Variants in XRN2 observed in about 807,000 individuals in gnomAD.
The protein encoded by XRN2 is 5'-3' exoribonuclease 2, also known as DHM1-like protein.
In XRN2, 44 loss-of-function variants were observed where a neutral mutation model predicts 138.5. The ratio of observed to expected loss-of-function variants is 0.32; its 90% confidence interval spans 0.25 to 0.41. The LOEUF is 0.41. XRN2 is among the 10% of genes least tolerant of loss of function. The probability of loss-of-function intolerance (pLI) is 1.00; values close to 1 mark genes in which losing one functional copy is unlikely to be tolerated. For synonymous variants in XRN2, 354 were observed against 369.4 expected, an observed-to-expected ratio of 0.96 and a Z score of 0.48; for missense variants, 937 against 1,169.3, an observed-to-expected ratio of 0.80 and a Z score of 2.90.
At chr20:21,379,411 T>G (rs1419815675) in intron 27 of XRN2, among the ~76,000 whole-genome samples, 1 of 152,218 alleles carries the variant, frequency 6.6e-6, no homozygotes, top group Admixed American at 6.5e-5. Context: ...ATGAAGAAAT[T>G]TGGTTAAAAA....
chr20:21,344,354 A>C, intron 16 of XRN2, 146 bp downstream of exon 16: 1 of 645,430 alleles, frequency 1.5e-6, no homozygotes, highest in Non-Finnish European at 2.8e-6. Context: ...GAGGGTTAGA[A>C]TAGTCAGTAA....
chr20:21,320,947 A>G (rs911844191), intron 1 of XRN2, among the ~76,000 whole-genome samples: 7 of 152,148 alleles, frequency 4.6e-5, no homozygotes, highest in Admixed American at 4.6e-4. Context: ...CCTGTAGTCC[A>G]GGCCTGTATC....
intron 26 of XRN2, among the ~76,000 whole-genome samples, chr20:21,365,905 TAA>T (rs1491107739): frequency 8.2e-6 from 1 of 121,340 alleles, no homozygotes; most frequent in Non-Finnish European, 1.7e-5. Context: ...ATTATATATA[TAA>T]TATATATAAT....
In XRN2 at chr20:21,371,703, C is replaced by T. The variant is rs189312361; in HGVS notation, c.2584+3113C>T. Among the ~76,000 whole-genome samples the T allele has an allele frequency of 3.6e-3, 541 of 152,252 alleles. 3 individuals carry two copies. Among genetic ancestry groups the T allele is most frequent in the African/African-American group, 0.012 (518 of 41,560 alleles). On this transcript the variant is annotated intron_variant, in intron 27 of 29. Transcript: ENST00000377191. Reference sequence around the variant, plus strand: ...CTTATCAGTTTCTTTTTTCTTGTGACTTTTTACCATTTACATGGATACCAT... The same window carrying T: ...CTTATCAGTTTCTTTTTTCTTGTGATTTTTTACCATTTACATGGATACCAT...
chr20:21,324,359 A>T (rs1365356099), intron 1 of XRN2, among the ~76,000 whole-genome samples: 1 of 152,182 alleles, frequency 6.6e-6, no homozygotes, highest in Non-Finnish European at 1.5e-5. Flanking sequence ...TCTCAAAGAC[A>T]GTCAATATCC....
chr20:21,304,082 G>C (rs2037780773), intron 1 of XRN2, among the ~76,000 whole-genome samples: 1 of 152,168 alleles, frequency 6.6e-6, no homozygotes, highest in Admixed American at 6.5e-5. Context: ...TGTGTGCCCT[G>C]ACTACTGAAC....
At chr20:21,372,735 T>TA (rs2122330684) in intron 27 of XRN2, among the ~76,000 whole-genome samples, 1 of 152,294 alleles carries the variant, frequency 6.6e-6, no homozygotes, top group Non-Finnish European at 1.5e-5. Flanking sequence ...ATGAAATAGA[T>TA]ATATTCATGT....
At position 21,303,376 on chromosome 20, in the gene XRN2, G is replaced by A. The variant is rs562708312; in HGVS notation, c.-23G>A. 149 of 1,542,048 alleles carry A rather than the reference G, an allele frequency of 9.7e-5. 1 individual carries two copies. The South Asian group carries it at 1.6e-3, about 17-fold the overall frequency. On this transcript the variant is annotated 5_prime_UTR_variant, in exon 1 of 30. Coordinates refer to ENST00000377191, the MANE Select transcript of XRN2 (RefSeq NM_012255.5). ...GGTTACGCTCGTCAGCCGGTCGGCC[G>A]CCGCCTCCAGCCGTGTGCCGCTATG...
chr20:21,324,668 C>G (rs1600679805), intron 1 of XRN2, among the ~76,000 whole-genome samples: 1 of 152,154 alleles, frequency 6.6e-6, no homozygotes, highest in Non-Finnish European at 1.5e-5. Flanking sequence ...AGATCTTACT[C>G]TGTCGCCCAG....
intron 19 of XRN2, among the ~76,000 whole-genome samples, chr20:21,348,638 T>C (rs2038468284): frequency 6.6e-6 from 1 of 152,128 alleles, no homozygotes; most frequent in Non-Finnish European, 1.5e-5. Flanking sequence ...TTGTTTAGTT[T>C]TTGATTTTTT....
At chr20:21,348,509 A>G (rs1272583804) in intron 19 of XRN2, 79 bp downstream of exon 19, 5 of 1,300,256 alleles carry the variant, frequency 3.8e-6, no homozygotes, top group Non-Finnish European at 5.5e-6. Flanking sequence ...TTGCTTTTGC[A>G]GCTGATAGTT....
intron 1 of XRN2, among the ~76,000 whole-genome samples, chr20:21,321,621 CT>C (rs1438954981): frequency 5.3e-5 from 8 of 152,254 alleles, no homozygotes; most frequent in Admixed American, 1.3e-4. Context: ...CCTCATTCTA[CT>C]TTCACTGTTC....
chr20:21,306,982 G>A lies in XRN2; in HGVS notation c.75+3509G>A, dbSNP rs1457924182. Among the ~76,000 whole-genome samples the A allele has an allele frequency of 2.6e-5, 2 of 76,790 alleles. 1 individual carries two copies. The highest frequency in any genetic ancestry group is 6.1e-5 in the Non-Finnish European group (2 of 32,600). The allele number at this position is 76,790 out of a possible 152,430, so 50.4% of individuals were successfully genotyped here. ...GATCCCGCCACTGCACTCCAGCCTGGTGACAGAGCGAGACTCCATCTCAGA... is the reference window on the plus strand; with the variant it reads ...GATCCCGCCACTGCACTCCAGCCTGATGACAGAGCGAGACTCCATCTCAGA... On this transcript the variant is annotated intron_variant, in intron 1 of 29. Transcript: ENST00000377191.
At chr20:21,356,054 G>T (rs1275301009) in intron 21 of XRN2, 26 bp from the exon 22 acceptor site, 1 of 1,582,700 alleles carries the variant, frequency 6.3e-7, no homozygotes, top group South Asian at 1.1e-5. Context: ...TTTATGTGTA[G>T]GTCTTATTCT....
chr20:21,330,158 C>G (rs1214173343), intron 4 of XRN2, among the ~76,000 whole-genome samples: 1 of 152,054 alleles, frequency 6.6e-6, no homozygotes, highest in Non-Finnish European at 1.5e-5. Context: ...TGGCAGGCGC[C>G]TGTAATCCCA....
chr20:21,349,827 A>C (rs2038483899), intron 20 of XRN2, among the ~76,000 whole-genome samples: 1 of 152,210 alleles, frequency 6.6e-6, no homozygotes, highest in African/African-American at 2.4e-5. Flanking sequence ...TCTCCATCCA[A>C]CCTGGGATTA....
chr20:21,326,401 A>G lies in XRN2; in HGVS notation c.198A>G (p.Glu66=), dbSNP rs1171776131. The G allele has an allele frequency of 6.2e-7, 1 of 1,613,704 alleles. No individual in the cohort carries two copies. Reference sequence around the variant, plus strand: ...TCATCCATCCCTGTACTCATCCTGAAGACAAGTACGTAACCCATTTTTGTC... The same window carrying G: ...TCATCCATCCCTGTACTCATCCTGAGGACAAGTACGTAACCCATTTTTGTC... ...NGIIHPCTHP[E]DKPAPKNEDE... Residue 66 remains glutamate (E), a synonymous_variant, in exon 2 of 30, where the codon GAA becomes GAG. Coordinates refer to ENST00000377191, the MANE Select transcript of XRN2 (RefSeq NM_012255.5).
At chr20:21,309,451 G>A (rs2037848880) in intron 1 of XRN2, among the ~76,000 whole-genome samples, 1 of 152,094 alleles carries the variant, frequency 6.6e-6, no homozygotes, top group African/African-American at 2.4e-5. Context: ...CCAACCTGTG[G>A]CCTGCAAGCT....
chr20:21,364,590 T>C (rs981508150), intron 24 of XRN2, among the ~76,000 whole-genome samples: 1 of 152,134 alleles, frequency 6.6e-6, no homozygotes, highest in South Asian at 2.1e-4. Context: ...GTGGGTCTTA[T>C]GAGTCCAGGA....
Sources: allele counts gnomAD v4.1 joint callset (sites outside exome capture counted in the v4.1 genomes callset), GRCh38; gene constraint gnomAD v4.1.1; transcripts MANE v1.5; gene names NCBI Gene and HGNC (gene_info 2026-07-23, HGNC 2026-07-21).